Variants in EPAS1 observed in about 807,000 individuals in gnomAD.
The protein encoded by EPAS1 is endothelial PAS domain-containing protein 1.
Under a neutral mutation model 87.9 loss-of-function variants are expected in EPAS1, and 23 were observed. The ratio of observed to expected loss-of-function variants is 0.26; its 90% CI spans 0.19 to 0.37. The LOEUF is 0.37. Ranked by LOEUF, EPAS1 falls within the 10% of genes least tolerant of loss-of-function variation. The pLI, the probability that EPAS1 is intolerant of heterozygous loss-of-function variation, is 1.00. For synonymous variants in EPAS1, 508 were observed against 444.3 expected (o/e 1.14, Z -1.80); for missense variants, 1,138 against 1,120.7 (o/e 1.02, Z -0.22).
Position 46,371,344 on chromosome 2 carries a change from ATCTT to A in EPAS1, c.886+1417_886+1420del, listed in dbSNP as rs1180399518. 1.3e-5 allele frequency among the ~76,000 whole-genome samples: 2 copies of A among 152,124 alleles called. No individual in the cohort carries two copies. Among genetic ancestry groups the A allele is most frequent in the African/African-American group, 4.8e-5 (2 of 41,428 alleles). ...GGTTAACCCACTCTTAAGGAGTGAG[ATCTT>A]TCTTTTCTTTTATTGGTTCCTCTGC... On this transcript the variant is annotated intron_variant, in intron 7 of 15. Transcript: ENST00000263734. The surrounding 1 kb of genome is among the most constrained non-coding windows in gnomAD (Gnocchi z 4.3).
At position 46,376,526 on chromosome 2, in the gene EPAS1, TC is replaced by T. The variant is rs757409274; in HGVS notation, c.1035-6del. 62 of 1,612,892 alleles carry T rather than the reference TC, an allele frequency of 3.8e-5. No homozygotes were observed. The highest frequency in any genetic ancestry group is 3.4e-4 in the South Asian group (31 of 91,048). On this transcript the variant is annotated splice_polypyrimidine_tract_variant and intron_variant, in intron 8 of 15. Transcript: ENST00000263734. ...AATGTGGAAAGTCTGAATGGCTCTTTCCCCCCCATTAGTGAGATTGAGAAGA... is the reference window on the plus strand; with the variant it reads ...AATGTGGAAAGTCTGAATGGCTCTTTCCCCCCATTAGTGAGATTGAGAAGA...
rs964751219 is a variant in EPAS1 at position 46,386,525 on chromosome 2, A to G, written c.*1865A>G. Reference sequence around the variant, plus strand: ...GCATTTTACCCTTGCAGTTTTACTAAAACACTGAAAAATATTCCAAGCTTC... The same window carrying G: ...GCATTTTACCCTTGCAGTTTTACTAGAACACTGAAAAATATTCCAAGCTTC... On this transcript the variant is annotated 3_prime_UTR_variant, in exon 16 of 16. Coordinates refer to ENST00000263734, the MANE Select transcript of EPAS1 (RefSeq NM_001430.5). The G allele has an allele frequency of 9.2e-5, 14 of 152,656 alleles. No homozygotes were observed. Among genetic ancestry groups the G allele is most frequent in the African/African-American group, 3.4e-4 (14 of 41,460 alleles). The allele number at this position is 152,656 out of a possible 1,614,324, so 9.5% of individuals were successfully genotyped here.
intron 1 of EPAS1, among the ~76,000 whole-genome samples, chr2:46,323,589 G>T (rs2104851603): frequency 6.6e-6 from 1 of 152,326 alleles, no homozygotes; most frequent in African/African-American, 2.4e-5. Flanking sequence ...GAGCAGACTG[G>T]TTTAAGGCCA....
chr2:46,339,114 C>T (rs1683856552), intron 1 of EPAS1, among the ~76,000 whole-genome samples: 1 of 152,182 alleles, frequency 6.6e-6, no homozygotes, highest in Non-Finnish European at 1.5e-5. Context: ...GGTTCAGCCA[C>T]ATGATGTGAT....
chr2:46,346,969 G>A lies in EPAS1; in HGVS notation c.123G>A (p.Leu41=). The A allele has an allele frequency of 1.2e-6, 2 of 1,614,218 alleles. No individual in the cohort carries two copies. The highest frequency in any genetic ancestry group is 8.5e-7 in the Non-Finnish European group (1 of 1,180,028). ...TEVFYELAHE[L]PLPHSVSSHL... ...TGTTCTATGAGCTGGCCCATGAGCT[G>A]CCTCTGCCCCACAGTGTGAGCTCCC... The change falls in exon 2 of 16, where the codon CTG becomes CTA. Residue 41 remains leucine (L), a synonymous_variant. Transcript: ENST00000263734. This position sits in a 1 kb window ranked among gnomAD's most constrained non-coding sequence, Gnocchi z 4.0.
intron 1 of EPAS1, among the ~76,000 whole-genome samples, chr2:46,302,714 A>C (rs1413254309): frequency 6.8e-6 from 1 of 147,524 alleles, no homozygotes; most frequent in Non-Finnish European, 1.5e-5. Context: ...CCTGGTCATC[A>C]AGTTGCTTAG....
intron 6 of EPAS1, among the ~76,000 whole-genome samples, chr2:46,369,556 G>A (rs1684582200): frequency 6.6e-6 from 1 of 152,210 alleles, no homozygotes; most frequent in Admixed American, 6.5e-5. Flanking sequence ...TACCGGGGTG[G>A]TGGGGAGAGG....
chr2:46,349,510 C>T (rs1325056130), intron 2 of EPAS1, among the ~76,000 whole-genome samples: 1 of 152,232 alleles, frequency 6.6e-6, no homozygotes, highest in African/African-American at 2.4e-5. Flanking sequence ...TGGACACAAA[C>T]TTGCCTGCCC....
intron 1 of EPAS1, among the ~76,000 whole-genome samples, chr2:46,321,898 C>T (rs1421148283): frequency 2.0e-5 from 3 of 152,066 alleles, no homozygotes; most frequent in Admixed American, 6.6e-5. Flanking sequence ...ATTTTCAGTT[C>T]GTGCTGTGGA....
At chr2:46,367,296 A>G (rs1684523017) in intron 6 of EPAS1, among the ~76,000 whole-genome samples, 1 of 152,268 alleles carries the variant, frequency 6.6e-6, no homozygotes. Context: ...GAGTAGAAAG[A>G]CATCTTTCCT....
In EPAS1 at chr2:46,365,600, A is replaced by T. The variant is rs147193392; in HGVS notation, c.780-4227A>T. Among the ~76,000 whole-genome samples the T allele has an allele frequency of 2.0e-5, 3 of 152,322 alleles. No homozygotes were observed. The East Asian group carries it at 5.8e-4, about 29-fold the overall frequency. On this transcript the variant is annotated intron_variant, in intron 6 of 15. Coordinates refer to ENST00000263734, the MANE Select transcript of EPAS1 (RefSeq NM_001430.5). ...CTTACCCCTACAGGTACCCTGTAAC[A>T]CTCCACAGACAGGATAGAAATGGAT...
chr2:46,323,105 G>T (rs1242061647), intron 1 of EPAS1, among the ~76,000 whole-genome samples: 1 of 152,146 alleles, frequency 6.6e-6, no homozygotes, highest in Non-Finnish European at 1.5e-5. Context: ...CTCCCATGGC[G>T]ACCTCACGGA....
intron 6 of EPAS1, among the ~76,000 whole-genome samples, chr2:46,367,510 T>C (rs1684527727): frequency 6.6e-6 from 1 of 152,246 alleles, no homozygotes; most frequent in Non-Finnish European, 1.5e-5. Context: ...GGACCAGCAC[T>C]GTTCTGTCTC....
At chr2:46,374,240 C>T (rs1684685195) in intron 7 of EPAS1, among the ~76,000 whole-genome samples, 1 of 152,166 alleles carries the variant, frequency 6.6e-6, no homozygotes, top group Non-Finnish European at 1.5e-5. Flanking sequence ...GGGGAGGAGG[C>T]CTGCGAGCCT....
intron 6 of EPAS1, among the ~76,000 whole-genome samples, chr2:46,363,032 G>C (rs935534044): frequency 1.3e-5 from 2 of 151,260 alleles, no homozygotes; most frequent in African/African-American, 4.9e-5. Context: ...AATGATGGTG[G>C]TTCAAGAAGA....
At chr2:46,383,385 T>C (rs72887443) in intron 15 of EPAS1, among the ~76,000 whole-genome samples, 6,208 of 152,310 alleles carry the variant, frequency 0.041, 416 homozygotes, top group African/African-American at 0.14. Context: ...GACAGTATCT[T>C]GTGAAACATA....
intron 1 of EPAS1, among the ~76,000 whole-genome samples, chr2:46,342,001 C>G (rs1683923033): frequency 6.6e-6 from 1 of 152,176 alleles, no homozygotes; most frequent in African/African-American, 2.4e-5. Context: ...CACACCCACC[C>G]ATCCATCCTT....
chr2:46,309,120 C>T (rs1683165152), intron 1 of EPAS1, among the ~76,000 whole-genome samples: 1 of 152,174 alleles, frequency 6.6e-6, no homozygotes, highest in Non-Finnish European at 1.5e-5. Context: ...CTGTCTATGT[C>T]AGGAACTTTG....
chr2:46,337,032 G>T (rs927981239), intron 1 of EPAS1, among the ~76,000 whole-genome samples: 1 of 152,198 alleles, frequency 6.6e-6, no homozygotes, highest in Non-Finnish European at 1.5e-5. Context: ...ATTAAGAGCC[G>T]GGTTAGAATT....
Sources: allele counts gnomAD v4.1 joint callset (sites outside exome capture counted in the v4.1 genomes callset), GRCh38; gene constraint gnomAD v4.1.1; non-coding constraint Gnocchi (gnomAD v3.1); transcripts MANE v1.5; gene names NCBI Gene and HGNC (gene_info 2026-07-23, HGNC 2026-07-21).